Variants in NAALAD2 observed in about 807,000 individuals in gnomAD.
NAALAD2 encodes the protein N-acetylated alpha-linked acidic dipeptidase 2.
In NAALAD2, 89 loss-of-function variants were observed where a neutral mutation model predicts 95.6. The ratio of observed to expected loss-of-function variants is 0.93; its 90% CI spans 0.78 to 1.11. The LOEUF (loss-of-function observed/expected upper bound fraction) is 1.11. NAALAD2 is among the 50% of genes least tolerant of loss of function. The pLI is 0.00. For missense variants in NAALAD2, 894 were observed against 872.4 expected, an observed-to-expected ratio of 1.02 and a Z score of -0.31; for synonymous variants, 264 against 294.4, an observed-to-expected ratio of 0.90 and a Z score of 1.06.
At position 90,181,694 on chromosome 11, in the gene NAALAD2, CT is replaced by C; in HGVS notation, c.1935del (p.Asn646ThrfsTer6). 6.4e-7 allele frequency: 1 copy of C among 1,567,182 alleles called. No homozygotes were observed. Among genetic ancestry groups the C allele is most frequent in the Non-Finnish European group, 8.7e-7 (1 of 1,152,300 alleles). On this transcript the variant is annotated frameshift_variant, in exon 17 of 19. Coordinates refer to ENST00000534061, the MANE Select transcript of NAALAD2 (RefSeq NM_005467.4). LOFTEE classifies it high-confidence loss of function. Reference protein sequence around the residue: ...DFHKRLIQVDLNNPIAVRMMN... With the variant: ...DFHKRLIQVDXNNPIAVRMMN... Reference sequence around the variant, plus strand: ...TCATAAACGACTTATACAAGTTGATCTTAACAAGTAAGTTTCAAATCCCTTT... The same window carrying C: ...TCATAAACGACTTATACAAGTTGATCTAACAAGTAAGTTTCAAATCCCTTT...
rs1857298803 is a variant in NAALAD2 at position 90,190,762 on chromosome 11, T to C, written c.2034-796T>C. Among the ~76,000 whole-genome samples the C allele has an allele frequency of 3.3e-5, 5 of 152,046 alleles. No homozygotes were observed. In the South Asian group the frequency reaches 8.3e-4, roughly 25 times the overall value. ...TGGTAAATCTGAATGATGAGTGTTA[T>C]AGATTTGTCATTAATCATTAATCAT... On this transcript the variant is annotated intron_variant, in intron 18 of 18. Coordinates refer to ENST00000534061, the MANE Select transcript of NAALAD2 (RefSeq NM_005467.4).
chr11:90,174,176 A>G (rs915472727), intron 14 of NAALAD2, among the ~76,000 whole-genome samples: 2 of 152,128 alleles, frequency 1.3e-5, no homozygotes, highest in African/African-American at 2.4e-5. Flanking sequence ...TACTAAAAAT[A>G]CAAAATTAGC....
intron 5 of NAALAD2, among the ~76,000 whole-genome samples, chr11:90,151,014 T>C (rs895096790): frequency 6.6e-6 from 1 of 152,146 alleles, no homozygotes; most frequent in Admixed American, 6.6e-5. Context: ...TACTTTTACA[T>C]TGTATATTAT....
rs755832404 is a variant in NAALAD2, at chr11:90,163,447, C to T, written c.1195+18C>T. On this transcript the variant is annotated intron_variant, in intron 10 of 18. Coordinates refer to ENST00000534061, the MANE Select transcript of NAALAD2 (RefSeq NM_005467.4). ...GAGTAAAGGTAAACAACCTTTCTTT[C>T]CTAGGTGATGACAAAAAGTGACTTA... is the stretch of plus-strand genomic sequence containing the variant. The T allele has an allele frequency of 6.6e-5, 106 of 1,613,396 alleles. No individual in the cohort carries two copies. The highest frequency in any genetic ancestry group is 8.7e-5 in the Non-Finnish European group (103 of 1,179,830).
intron 16 of NAALAD2, among the ~76,000 whole-genome samples, chr11:90,181,056 C>T (rs921702283): frequency 6.6e-6 from 1 of 152,078 alleles, no homozygotes; most frequent in Non-Finnish European, 1.5e-5. Flanking sequence ...CCAGGCCTCA[C>T]TGATACTGAG....
At chr11:90,163,194 A>G in intron 9 of NAALAD2, 116 bp from the exon 10 acceptor site, 1 of 1,272,728 alleles carries the variant, frequency 7.9e-7, no homozygotes, top group South Asian at 1.5e-5. Flanking sequence ...TTTACTTTAT[A>G]GTGTTGTCTT....
At chr11:90,174,256 G>A (rs910733063) in intron 14 of NAALAD2, among the ~76,000 whole-genome samples, 5 of 151,816 alleles carry the variant, frequency 3.3e-5, no homozygotes, top group South Asian at 2.1e-4. Flanking sequence ...GCTTGAACCC[G>A]GGAGGCAGAG....
At chr11:90,155,631 AAT>A (rs1223683982) in intron 6 of NAALAD2, among the ~76,000 whole-genome samples, 23 of 38,992 alleles carry the variant, frequency 5.9e-4, no homozygotes, top group African/African-American at 2.2e-3. Context: ...CATATATATT[AAT>A]ATATATATAA....
chr11:90,151,538 G>T (rs1951887069), intron 5 of NAALAD2, among the ~76,000 whole-genome samples: 1 of 152,190 alleles, frequency 6.6e-6, no homozygotes, highest in African/African-American at 2.4e-5. Context: ...AAATTAAATG[G>T]CTAAATAATA....
intron 15 of NAALAD2, 78 bp downstream of exon 15, chr11:90,176,140 C>A: frequency 9.4e-7 from 1 of 1,062,800 alleles, no homozygotes; most frequent in Non-Finnish European, 1.4e-6. Context: ...AGTTGTTTGG[C>A]ACCAGACACC....
At chr11:90,178,361 G>A (rs1952863796) in intron 16 of NAALAD2, among the ~76,000 whole-genome samples, 1 of 152,146 alleles carries the variant, frequency 6.6e-6, no homozygotes, top group South Asian at 2.1e-4. Flanking sequence ...CATTTTTCTT[G>A]TATTATGGCC....
chr11:90,163,977 C>T (rs1952369487), intron 11 of NAALAD2: 3 of 372,650 alleles, frequency 8.1e-6, no homozygotes, highest in Non-Finnish European at 9.5e-6. Context: ...AGCTAATTTT[C>T]AAGTTTTTGA....
Position 90,191,894 on chromosome 11 carries a change from C to A in NAALAD2, c.*147C>A. 2 of 437,068 alleles carry A rather than the reference C, an allele frequency of 4.6e-6. No homozygotes were observed. Among genetic ancestry groups the A allele is most frequent in the Non-Finnish European group, 3.6e-6 (1 of 274,366 alleles). 27.1% of individuals were successfully genotyped at this position (437,068 alleles called of 1,614,324 possible). A position where few individuals can be genotyped will look rare whatever the true frequency, so the allele number is the denominator to read the frequency against. On this transcript the variant is annotated 3_prime_UTR_variant, in exon 19 of 19. Coordinates refer to ENST00000534061, the MANE Select transcript of NAALAD2 (RefSeq NM_005467.4). ...GCTTTGGTCTTTTCATCTGCAAAGC[C>A]TTTTTTTTTTGCTCTTTAAAAGTTA...
chr11:90,147,771 A>G (rs548049876), intron 3 of NAALAD2, among the ~76,000 whole-genome samples: 1 of 152,274 alleles, frequency 6.6e-6, no homozygotes, highest in East Asian at 1.9e-4. Context: ...TTATGATTAG[A>G]ATTCATTATT....
chr11:90,140,912 T>G (rs1242044283), intron 2 of NAALAD2, among the ~76,000 whole-genome samples: 1 of 152,174 alleles, frequency 6.6e-6, no homozygotes, highest in Admixed American at 6.5e-5. Context: ...TAGGTTGAGT[T>G]TATTCTTTTG....
At position 90,159,322 on chromosome 11, in the gene NAALAD2, G is replaced by A. The variant is rs776065043; in HGVS notation, c.974G>A (p.Gly325Glu). 6.2e-7 allele frequency: 1 copy of A among 1,612,780 alleles called. No homozygotes were observed. The highest frequency in any genetic ancestry group is 1.1e-5 in the South Asian group (1 of 91,000). ...TATAGTATCGGACCTGGCTTTACAG[G>A]GAGTGATTCTTTCAGGTAATTTTGC... ...VSYSIGPGFT[G>E]SDSFRKVRMH... The change falls in exon 8 of 19, where the codon GGG becomes GAG. Residue 325 changes from glycine (G) to glutamate (E), a missense_variant. Transcript: ENST00000534061.
upstream of NAALAD2, chr11:90,132,296 A>G (rs1951364165): frequency 6.6e-6 from 1 of 152,500 alleles, no homozygotes; most frequent in South Asian, 2.1e-4. Context: ...GCATTGATTT[A>G]TTCTATTACT....
At chr11:90,162,772 A>G (rs7928477) in intron 8 of NAALAD2, 177 bp from the exon 9 acceptor site, 165,733 of 404,848 alleles carry the variant, frequency 0.41, 35,945 homozygotes, top group African/African-American at 0.62. Context: ...CCTTACTTGC[A>G]AATGCTTCAA....
At chr11:90,138,792 G>T in intron 2 of NAALAD2, among the ~76,000 whole-genome samples, 1 of 88,192 alleles carries the variant, frequency 1.1e-5, no homozygotes, top group Admixed American at 1.7e-4. Context: ...TGATTACCTT[G>T]TTTGGCTCTG....
Sources: gnomAD v4.1 joint callset for allele counts (sites outside exome capture counted in the v4.1 genomes callset) on GRCh38, gnomAD v4.1.1 for gene constraint, MANE v1.5 for transcripts, NCBI Gene and HGNC (gene_info 2026-07-23, HGNC 2026-07-21) for gene names.